ATL2: variants seen among roughly 807,000 people sequenced by gnomAD.
ATL2 encodes the protein atlastin GTPase 2, also known as atlastin-2.
ATL2 carries 31 observed loss-of-function variants against 73.9 expected under a neutral mutation model. The observed-to-expected ratio is 0.42, with a 90% confidence interval of 0.32 to 0.57. ATL2 has a LOEUF of 0.57. ATL2 is among the 20% of genes least tolerant of loss of function. The pLI, the probability that ATL2 is intolerant of heterozygous loss-of-function variation, is 0.14. For synonymous variants in ATL2, 291 were observed against 237.5 expected (o/e 1.23, Z -2.07); for missense variants, 738 against 702.6 (o/e 1.05, Z -0.57).
intron 12 of ATL2, chr2:38,296,505 T>C: frequency 6.2e-7 from 1 of 1,613,656 alleles, no homozygotes; most frequent in Non-Finnish European, 8.5e-7. Context: ...CTTGTTATTG[T>C]TGGATGACAG....
chr2:38,307,114 T>G (rs1342050121), intron 9 of ATL2, among the ~76,000 whole-genome samples: 3 of 152,046 alleles, frequency 2.0e-5, no homozygotes, highest in Non-Finnish European at 4.4e-5. Context: ...TCCCAGCACT[T>G]TGGGAGGCAG....
intron 1 of ATL2, among the ~76,000 whole-genome samples, chr2:38,364,497 A>T (rs1671192039): frequency 6.6e-6 from 1 of 152,208 alleles, no homozygotes; most frequent in East Asian, 1.9e-4. Flanking sequence ...GTAAAAATGG[A>T]AGAGCTAGTT....
At chr2:38,318,278 G>A (rs1668131375) in intron 4 of ATL2, 1 of 282,770 alleles carries the variant, frequency 3.5e-6, no homozygotes, top group East Asian at 6.1e-5. Flanking sequence ...AGGAGTTCGA[G>A]ACCAGCCTGC....
intron 7 of ATL2, among the ~76,000 whole-genome samples, chr2:38,312,204 A>C (rs1362381426): frequency 2.0e-5 from 3 of 152,158 alleles, no homozygotes; most frequent in African/African-American, 7.2e-5. Context: ...AGGTTTCCCA[A>C]ATTGATATGG....
At chr2:38,316,661 G>C (rs894461569) in intron 4 of ATL2, among the ~76,000 whole-genome samples, 1 of 151,774 alleles carries the variant, frequency 6.6e-6, no homozygotes, top group African/African-American at 2.4e-5. Flanking sequence ...ATCTCATTTA[G>C]CTCTCATTTC....
intron 2 of ATL2, among the ~76,000 whole-genome samples, chr2:38,326,502 A>C (rs1287285576): frequency 6.6e-6 from 1 of 152,246 alleles, no homozygotes; most frequent in Admixed American, 6.5e-5. Context: ...TTTCAGAATT[A>C]GAAAATAGGA....
intron 12 of ATL2, chr2:38,296,443 T>C (rs1666896640): frequency 1.3e-6 from 2 of 1,566,702 alleles, no homozygotes; most frequent in Non-Finnish European, 1.7e-6. Flanking sequence ...CATGTGTAAG[T>C]GTGAACACTT....
chr2:38,368,732 G>C (rs1671495044), intron 1 of ATL2, among the ~76,000 whole-genome samples: 2 of 152,082 alleles, frequency 1.3e-5, no homozygotes, highest in South Asian at 4.1e-4. Context: ...CATGCAAACA[G>C]GCTTTTACAA....
chr2:38,304,930 T>C (rs1667369886), intron 9 of ATL2, among the ~76,000 whole-genome samples: 2 of 152,124 alleles, frequency 1.3e-5, no homozygotes, highest in African/African-American at 4.8e-5. Context: ...TACTTATCAG[T>C]AACATTGAGT....
intron 1 of ATL2, among the ~76,000 whole-genome samples, chr2:38,372,634 T>C (rs1006240548): frequency 4.6e-5 from 7 of 152,226 alleles, no homozygotes; most frequent in African/African-American, 1.7e-4. Flanking sequence ...AAAATGCACA[T>C]TTATTAAAAT....
chr2:38,321,127 C>T (rs1023947275), intron 2 of ATL2, among the ~76,000 whole-genome samples: 25 of 152,060 alleles, frequency 1.6e-4, no homozygotes, highest in Admixed American at 5.2e-4. Context: ...GAGCTGAGAT[C>T]GCACCACTGC....
At chr2:38,298,703 C>A in intron 11 of ATL2, 128 bp from the exon 12 acceptor site, 1 of 890,430 alleles carries the variant, frequency 1.1e-6, no homozygotes, top group South Asian at 1.7e-5. Context: ...AACTCACTTA[C>A]AATACCTCAC....
At chr2:38,296,787 C>T in intron 12 of ATL2, 1 of 1,522,524 alleles carries the variant, frequency 6.6e-7, no homozygotes, top group Non-Finnish European at 8.8e-7. Flanking sequence ...ATTACCTTAC[C>T]TAAACTATAC....
chr2:38,350,846 T>C (rs1196757631), intron 1 of ATL2, among the ~76,000 whole-genome samples: 6 of 152,136 alleles, frequency 3.9e-5, no homozygotes, highest in Non-Finnish European at 7.3e-5. Context: ...ATCTGCCAAA[T>C]TCAGACACTC....
chr2:38,355,415 C>A (rs934000109), intron 1 of ATL2, among the ~76,000 whole-genome samples: 4 of 152,156 alleles, frequency 2.6e-5, no homozygotes, highest in Admixed American at 2.6e-4. Flanking sequence ...TGCGCCTGGC[C>A]ATACTGTATA....
chr2:38,329,794 C>T (rs1668877096), intron 2 of ATL2, among the ~76,000 whole-genome samples: 1 of 152,078 alleles, frequency 6.6e-6, no homozygotes, highest in East Asian at 1.9e-4. Flanking sequence ...GGCTCAACAA[C>T]TTAAAGTCAA....
Position 38,329,545 on chromosome 2 carries a change from G to C in ATL2, c.364-10526C>G, listed in dbSNP as rs949779193. Among the ~76,000 whole-genome samples the C allele has an allele frequency of 2.0e-5, 3 of 150,992 alleles. No homozygotes were observed. The South Asian group carries it at 6.2e-4, about 31-fold the overall frequency. On this transcript the variant is annotated intron_variant, in intron 2 of 12. Transcript: ENST00000378954. ...AGCATTTAAGGAAGAAATGGTAGCA[G>C]TTCTCTACAAATTCTTTTAGAAAAT...
At chr2:38,352,223 A>G (rs1573553692) in intron 1 of ATL2, among the ~76,000 whole-genome samples, 1 of 150,424 alleles carries the variant, frequency 6.6e-6, no homozygotes, top group African/African-American at 2.4e-5. Context: ...CCCCAATTCT[A>G]TTTTGCATTT....
chr2:38,339,389 G>C (rs1170050164), intron 2 of ATL2, among the ~76,000 whole-genome samples: 1 of 152,186 alleles, frequency 6.6e-6, no homozygotes, highest in African/African-American at 2.4e-5. Flanking sequence ...CAAGGACTTA[G>C]TTAATAGTAA....
Sources: allele counts gnomAD v4.1 joint callset (sites outside exome capture counted in the v4.1 genomes callset), GRCh38; gene constraint gnomAD v4.1.1; transcripts MANE v1.5; gene names NCBI Gene and HGNC (gene_info 2026-07-23, HGNC 2026-07-21).